KAZN: variants seen among roughly 807,000 people sequenced by gnomAD.
KAZN encodes kazrin, periplakin interacting protein, also known as kazrin.
In KAZN, 40 loss-of-function variants were observed where a neutral mutation model predicts 87.4. The ratio of observed to expected loss-of-function variants is 0.46; its 90% CI spans 0.36 to 0.60. KAZN has a LOEUF of 0.60. Ranked by LOEUF, KAZN falls within the 20% of genes least tolerant of loss-of-function variation. KAZN has a pLI of 0.00. For missense variants in KAZN, 898 were observed against 1,073.9 expected (o/e 0.84, Z 2.29); for synonymous variants, 466 against 458.3 (o/e 1.02, Z -0.22).
intron 4 of KAZN, among the ~76,000 whole-genome samples, chr1:15,048,411 CAT>C (rs1673819675): frequency 6.9e-6 from 1 of 144,308 alleles, no homozygotes; most frequent in African/African-American, 2.7e-5. Context: ...CAAGGGACCG[CAT>C]GTGTGTGTAT....
At chr1:14,947,599 G>A (rs1202141066) in intron 1 of KAZN, among the ~76,000 whole-genome samples, 1 of 152,246 alleles carries the variant, frequency 6.6e-6, no homozygotes, top group Non-Finnish European at 1.5e-5. Flanking sequence ...CTATCCAGTG[G>A]TTAGGAACAT....
intron 1 of KAZN, among the ~76,000 whole-genome samples, chr1:14,909,919 G>A (rs1157887941): frequency 6.6e-6 from 1 of 152,154 alleles, no homozygotes; most frequent in African/African-American, 2.4e-5. Context: ...CAGGCACGGT[G>A]GCGTGTGCTT....
intron 1 of KAZN, among the ~76,000 whole-genome samples, chr1:14,728,878 A>G (rs1480959956): frequency 2.0e-5 from 3 of 152,212 alleles, no homozygotes; most frequent in Non-Finnish European, 4.4e-5. Flanking sequence ...GGATTAGATG[A>G]GCGAGCATGT....
intron 2 of KAZN, among the ~76,000 whole-genome samples, chr1:14,592,895 C>T (rs1032717446): frequency 3.9e-5 from 6 of 152,120 alleles, no homozygotes; most frequent in African/African-American, 1.2e-4. Flanking sequence ...GCATGAATGC[C>T]GCCTCTGGTC....
intron 1 of KAZN, among the ~76,000 whole-genome samples, chr1:14,111,182 GATAA>G (rs1644491280): frequency 7.5e-6 from 1 of 134,188 alleles, no homozygotes; most frequent in South Asian, 2.5e-4. Flanking sequence ...GGGACAGCAG[GATAA>G]ATAGAGTTTC....
intron 2 of KAZN, among the ~76,000 whole-genome samples, chr1:14,259,657 G>A (rs911338281): frequency 3.9e-5 from 6 of 152,146 alleles, no homozygotes; most frequent in South Asian, 2.1e-4. Context: ...TAGTAACCCC[G>A]GACATGAGAC....
chr1:14,837,601 G>A lies in KAZN; in HGVS notation c.227-123083G>A, dbSNP rs537250926. On this transcript the variant is annotated intron_variant, in intron 1 of 14. Coordinates refer to ENST00000376030, the MANE Select transcript of KAZN (RefSeq NM_201628.3). ...AGGGTCTTGCTCTGTCACCCAGGCT[G>A]GAGTGCAATAGCGCAATCATAGCTC... is the stretch of plus-strand genomic sequence containing the variant. 4.3e-3 allele frequency among the ~76,000 whole-genome samples: 639 copies of A among 147,124 alleles called. 5 individuals carry two copies. Among genetic ancestry groups the A allele is most frequent in the Non-Finnish European group, 7.4e-3 (501 of 67,314 alleles).
chr1:14,869,387 A>C (rs1176317334), intron 1 of KAZN, among the ~76,000 whole-genome samples: 2 of 152,180 alleles, frequency 1.3e-5, no homozygotes, highest in African/African-American at 4.8e-5. Flanking sequence ...GTGACTGTAT[A>C]TTCTGCACAG....
intron 1 of KAZN, among the ~76,000 whole-genome samples, chr1:14,959,940 C>T (rs1663644473): frequency 6.6e-6 from 1 of 152,116 alleles, no homozygotes; most frequent in Non-Finnish European, 1.5e-5. Flanking sequence ...CTCCTTGGCC[C>T]CATTTCTGGG....
intron 2 of KAZN, among the ~76,000 whole-genome samples, chr1:14,291,838 G>A (rs1225896731): frequency 6.6e-6 from 1 of 152,128 alleles, no homozygotes; most frequent in East Asian, 1.9e-4. Flanking sequence ...TTGATCTAAT[G>A]GTTTTATAAG....
At chr1:15,093,508 C>T (rs368572633) in intron 8 of KAZN, among the ~76,000 whole-genome samples, 3 of 151,222 alleles carry the variant, frequency 2.0e-5, no homozygotes, top group South Asian at 2.1e-4. Flanking sequence ...AAGAGGGGGG[C>T]GGGGGAAAAT....
intron 1 of KAZN, among the ~76,000 whole-genome samples, chr1:14,632,673 G>A (rs1679656715): frequency 6.7e-6 from 1 of 149,550 alleles, no homozygotes; most frequent in Non-Finnish European, 1.5e-5. Flanking sequence ...AACTTGCACT[G>A]TTCTCAGCTA....
At chr1:14,430,183 T>C (rs1665966120) in intron 2 of KAZN, among the ~76,000 whole-genome samples, 2 of 149,890 alleles carry the variant, frequency 1.3e-5, no homozygotes, top group South Asian at 4.2e-4. Context: ...ATTCTAACAC[T>C]GTCCACCTCC....
chr1:14,710,124 G>C (rs1642409546), intron 1 of KAZN, among the ~76,000 whole-genome samples: 2 of 152,192 alleles, frequency 1.3e-5, no homozygotes, highest in African/African-American at 4.8e-5. Context: ...AGGAGAAACA[G>C]ATAATAAACA....
At chr1:15,002,309 T>C (rs1402510980) in intron 2 of KAZN, among the ~76,000 whole-genome samples, 2 of 152,098 alleles carry the variant, frequency 1.3e-5, no homozygotes, top group Non-Finnish European at 1.5e-5. Context: ...CAGGAGCAAT[T>C]GGTTGAGTTT....
intron 1 of KAZN, among the ~76,000 whole-genome samples, chr1:14,725,931 G>C (rs115192966): frequency 6.6e-6 from 1 of 152,178 alleles, no homozygotes; most frequent in African/African-American, 2.4e-5. Context: ...GGAGGGAAGC[G>C]GATGGGCTCA....
intron 1 of KAZN, among the ~76,000 whole-genome samples, chr1:14,738,915 G>A (rs10803310): frequency 0.44 from 66,143 of 151,998 alleles, 14,866 homozygotes; most frequent in Middle Eastern, 0.54. Context: ...GCTCATGTCT[G>A]TAATCCCAGC....
chr1:14,506,833 A>G (rs2148438130), intron 2 of KAZN, among the ~76,000 whole-genome samples: 1 of 152,360 alleles, frequency 6.6e-6, no homozygotes, highest in African/African-American at 2.4e-5. Context: ...AATGGAGCCA[A>G]GATTAAATAG....
chr1:14,868,400 A>C (rs910031749), intron 1 of KAZN, among the ~76,000 whole-genome samples: 23 of 152,230 alleles, frequency 1.5e-4, no homozygotes, highest in African/African-American at 4.8e-4. Flanking sequence ...GATGGGAGCC[A>C]TTTTATAGAT....
Sources: gnomAD v4.1 joint callset for allele counts (sites outside exome capture counted in the v4.1 genomes callset) on GRCh38, gnomAD v4.1.1 for gene constraint, MANE v1.5 for transcripts, NCBI Gene and HGNC (gene_info 2026-07-23, HGNC 2026-07-21) for gene names.